ARF4: variants seen among roughly 807,000 people sequenced by gnomAD.
ARF4 encodes ARF GTPase 4, also known as ADP-ribosylation factor 4.
In ARF4, 5 loss-of-function variants were observed where a neutral mutation model predicts 24.3. That is an observed-to-expected ratio of 0.21 (90% CI 0.11 to 0.43). The LOEUF (loss-of-function observed/expected upper bound fraction) is 0.43. ARF4 is among the 20% of genes least tolerant of loss of function. ARF4 has a pLI of 1.00. For missense variants in ARF4, 107 were observed against 213.0 expected (o/e 0.50, Z 3.10); for synonymous variants, 62 against 73.5 (o/e 0.84, Z 0.80).
chr3:57,573,858 A>C (rs2069869462), intron 5 of ARF4, among the ~76,000 whole-genome samples: 1 of 152,206 alleles, frequency 6.6e-6, no homozygotes, highest in Non-Finnish European at 1.5e-5. Flanking sequence ...CTGGGATTAC[A>C]GGTGTGAGCC....
intron 1 of ARF4, among the ~76,000 whole-genome samples, chr3:57,587,943 G>A (rs1305956178): frequency 1.3e-5 from 2 of 152,142 alleles, no homozygotes; most frequent in African/African-American, 4.8e-5. Flanking sequence ...AAGCTTTAAT[G>A]CACGAATTAA....
intron 2 of ARF4, 87 bp downstream of exon 2, chr3:57,584,297 T>C (rs1401250054): frequency 8.2e-7 from 1 of 1,219,314 alleles, no homozygotes; most frequent in Non-Finnish European, 1.2e-6. Context: ...ATCAACATGC[T>C]TAACAAAAAG....
chr3:57,590,610 CCTTT>C (rs1482159528), intron 1 of ARF4, among the ~76,000 whole-genome samples: 1 of 152,152 alleles, frequency 6.6e-6, no homozygotes, highest in Non-Finnish European at 1.5e-5. Context: ...TTCATGTTTT[CCTTT>C]ATCTTTCAAA....
At chr3:57,589,527 G>C (rs924554643) in intron 1 of ARF4, among the ~76,000 whole-genome samples, 1 of 151,974 alleles carries the variant, frequency 6.6e-6, no homozygotes, top group African/African-American at 2.4e-5. Context: ...CGACCAGCCT[G>C]GCCAACGTGG....
At chr3:57,592,140 A>G (rs1219633681) in intron 1 of ARF4, among the ~76,000 whole-genome samples, 1 of 152,142 alleles carries the variant, frequency 6.6e-6, no homozygotes, top group African/African-American at 2.4e-5. Context: ...GAGACCTCAA[A>G]TACTATTTAC....
At chr3:57,596,292 A>G (rs965793448) in intron 1 of ARF4, among the ~76,000 whole-genome samples, 1 of 152,232 alleles carries the variant, frequency 6.6e-6, no homozygotes, top group Non-Finnish European at 1.5e-5. Flanking sequence ...AAAATTTATC[A>G]GGTATTTTTT....
chr3:57,590,915 A>G (rs562169559), intron 1 of ARF4, among the ~76,000 whole-genome samples: 18 of 152,328 alleles, frequency 1.2e-4, no homozygotes, highest in African/African-American at 3.8e-4. Flanking sequence ...ATAGTTTAAA[A>G]TAATAATTTA....
intron 3 of ARF4, among the ~76,000 whole-genome samples, chr3:57,578,150 T>C (rs2069928956): frequency 6.6e-6 from 1 of 151,830 alleles, no homozygotes; most frequent in Non-Finnish European, 1.5e-5. Context: ...ATAGCGCGAG[T>C]GTGTACACTA....
At chr3:57,576,429 T>G (rs1213650050) in intron 4 of ARF4, among the ~76,000 whole-genome samples, 2 of 152,000 alleles carry the variant, frequency 1.3e-5, no homozygotes, top group East Asian at 3.8e-4. Context: ...TGTACAACTA[T>G]GTATGCTAAA....
rs556043399 is a variant in ARF4, at chr3:57,575,477, A to G, written c.456+71T>C. On this transcript the variant is annotated intron_variant, in intron 5 of 5. Transcript: ENST00000303436. ...AGGAGATAATAAATGTTTAAACTGA[A>G]TATTAGCTTACACAACTATCCTAGT... 3.9e-4 allele frequency: 561 copies of G among 1,439,564 alleles called. 1 individual carries two copies. The African/African-American group carries it at 7.6e-3, about 20-fold the overall frequency. 89.2% of individuals were successfully genotyped at this position (1,439,564 alleles called of 1,614,324 possible). A position where few individuals can be genotyped will look rare whatever the true frequency, so the allele number is the denominator to read the frequency against.
chr3:57,595,999 C>T (rs1382504136), intron 1 of ARF4, among the ~76,000 whole-genome samples: 1 of 151,330 alleles, frequency 6.6e-6, no homozygotes, highest in Non-Finnish European at 1.5e-5. Flanking sequence ...CGGTAGAAAA[C>T]AAGCTAATGA....
intron 4 of ARF4, among the ~76,000 whole-genome samples, chr3:57,576,526 T>G (rs2069905160): frequency 7.2e-6 from 1 of 138,346 alleles, no homozygotes; most frequent in African/African-American, 2.7e-5. Context: ...TTTTTTTTTT[T>G]GAAGAGGGAA....
chr3:57,572,654 C>T (rs142815833), intron 5 of ARF4, among the ~76,000 whole-genome samples: 3,630 of 151,302 alleles, frequency 0.024, 137 homozygotes, highest in African/African-American at 0.083. Flanking sequence ...CCAGCCTGGG[C>T]GACAGAGTGA....
intron 1 of ARF4, chr3:57,596,618 T>C (rs549044189): frequency 1.3e-5 from 2 of 154,816 alleles, no homozygotes; most frequent in African/African-American, 2.4e-5. Flanking sequence ...TACATACCAA[T>C]GGAGTATGCA....
At chr3:57,584,256 C>T in intron 2 of ARF4, 128 bp downstream of exon 2, 1 of 968,090 alleles carries the variant, frequency 1.0e-6, no homozygotes, top group Non-Finnish European at 1.6e-6. Context: ...AGCCACCACA[C>T]CCGGCCTGTT....
chr3:57,591,387 G>A (rs569696875), intron 1 of ARF4, among the ~76,000 whole-genome samples: 2 of 149,868 alleles, frequency 1.3e-5, no homozygotes, highest in South Asian at 4.2e-4. Flanking sequence ...GTGCTTATGT[G>A]AATTTAATGA....
At chr3:57,590,137 C>CA (rs1437251661) in intron 1 of ARF4, among the ~76,000 whole-genome samples, 7 of 117,014 alleles carry the variant, frequency 6.0e-5, no homozygotes, top group Middle Eastern at 4.9e-3. Context: ...ATAAATAAAA[C>CA]AAAAAACAAA....
chr3:57,586,433 G>C (rs1365194981), intron 1 of ARF4, among the ~76,000 whole-genome samples: 1 of 152,176 alleles, frequency 6.6e-6, no homozygotes, highest in Non-Finnish European at 1.5e-5. Flanking sequence ...CAGAAGCGAA[G>C]GCTACAGGCA....
intron 1 of ARF4, among the ~76,000 whole-genome samples, chr3:57,587,532 AC>A (rs1341804511): frequency 4.0e-5 from 6 of 151,744 alleles, no homozygotes; most frequent in Non-Finnish European, 7.4e-5. Flanking sequence ...ATTTTTTTTT[AC>A]CCAAAAATCA....
Sources: allele counts gnomAD v4.1 joint callset (sites outside exome capture counted in the v4.1 genomes callset), GRCh38; gene constraint gnomAD v4.1.1; transcripts MANE v1.5; gene names NCBI Gene and HGNC (gene_info 2026-07-23, HGNC 2026-07-21).